NOVA1: variants seen among roughly 807,000 people sequenced by gnomAD.
NOVA1 encodes the protein RNA-binding protein Nova-1.
NOVA1 carries 7 observed loss-of-function variants against 38.0 expected under a neutral mutation model. That is an observed-to-expected ratio of 0.18 (90% confidence interval 0.10 to 0.35). NOVA1 has a LOEUF of 0.35. Among genes scored for constraint, NOVA1 ranks in the 10% least tolerant of loss-of-function variants. The probability of loss-of-function intolerance (pLI) is 1.00; values close to 1 mark genes in which losing one functional copy is unlikely to be tolerated. For missense variants in NOVA1, 460 were observed against 616.0 expected (o/e 0.75, Z 2.68); for synonymous variants, 270 against 232.5 (o/e 1.16, Z -1.47).
intron 2 of NOVA1, among the ~76,000 whole-genome samples, chr14:26,518,154 A>G (rs941902291): frequency 6.6e-6 from 1 of 152,102 alleles, no homozygotes; most frequent in Non-Finnish European, 1.5e-5. Context: ...ATATTATATT[A>G]TCCTTAAATG....
intron 2 of NOVA1, among the ~76,000 whole-genome samples, chr14:26,498,599 A>C (rs1283084134): frequency 6.6e-6 from 1 of 152,176 alleles, no homozygotes; most frequent in Non-Finnish European, 1.5e-5. Flanking sequence ...ATGATTACAG[A>C]CATTTGTATA....
chr14:26,572,449 T>C (rs1443445501), intron 2 of NOVA1, among the ~76,000 whole-genome samples: 1 of 152,180 alleles, frequency 6.6e-6, no homozygotes, highest in East Asian at 1.9e-4. Context: ...ACTCGATTAT[T>C]CATATACGCA....
At chr14:26,480,955 A>G (rs570629772) in intron 2 of NOVA1, among the ~76,000 whole-genome samples, 2 of 152,230 alleles carry the variant, frequency 1.3e-5, no homozygotes, top group South Asian at 4.1e-4. Flanking sequence ...TGTGAATAAA[A>G]TGTAAATATA....
At chr14:26,528,169 C>G (rs1052521654) in intron 2 of NOVA1, among the ~76,000 whole-genome samples, 2 of 152,102 alleles carry the variant, frequency 1.3e-5, no homozygotes, top group African/African-American at 4.8e-5. Flanking sequence ...CATACTGTAT[C>G]CCTGGAAAAT....
intron 4 of NOVA1, among the ~76,000 whole-genome samples, chr14:26,468,170 C>T (rs143516104): frequency 0.012 from 1,871 of 152,268 alleles, 39 homozygotes; most frequent in African/African-American, 0.04. Flanking sequence ...CTCCTACTGG[C>T]CTTGCAAGAA....
intron 2 of NOVA1, among the ~76,000 whole-genome samples, chr14:26,552,305 T>C (rs1274303409): frequency 6.6e-6 from 1 of 151,988 alleles, no homozygotes; most frequent in Admixed American, 6.6e-5. Context: ...ACAGGACCAA[T>C]TATGTTAAGG....
chr14:26,465,897 G>A (rs571019942), intron 4 of NOVA1, among the ~76,000 whole-genome samples: 1 of 151,896 alleles, frequency 6.6e-6, no homozygotes, highest in Admixed American at 6.6e-5. Flanking sequence ...CAATACACAT[G>A]ATAATAAGCC....
At chr14:26,595,312 G>C (rs1894119266) in intron 2 of NOVA1, 98 bp downstream of exon 2, 1 of 1,193,308 alleles carries the variant, frequency 8.4e-7, no homozygotes, top group Non-Finnish European at 1.2e-6. Context: ...AAAGTCTCCA[G>C]TATTGTTTAA....
chr14:26,512,800 G>C (rs1473443836), intron 2 of NOVA1, among the ~76,000 whole-genome samples: 1 of 149,974 alleles, frequency 6.7e-6, no homozygotes, highest in South Asian at 2.1e-4. Flanking sequence ...TTTACTTGAA[G>C]TGCTACAAAA....
chr14:26,518,864 G>C (rs1888665452), intron 2 of NOVA1, among the ~76,000 whole-genome samples: 1 of 151,936 alleles, frequency 6.6e-6, no homozygotes, highest in African/African-American at 2.4e-5. Flanking sequence ...TTTTTAAATT[G>C]TATTTGGCAA....
At chr14:26,532,554 G>A (rs901230841) in intron 2 of NOVA1, among the ~76,000 whole-genome samples, 3 of 152,200 alleles carry the variant, frequency 2.0e-5, no homozygotes, top group Non-Finnish European at 1.5e-5. Context: ...AGTGAGGATG[G>A]ATGGGAAGGA....
chr14:26,484,243 G>C (rs1008408644), intron 2 of NOVA1, among the ~76,000 whole-genome samples: 2 of 151,438 alleles, frequency 1.3e-5, no homozygotes, highest in Non-Finnish European at 2.9e-5. Context: ...GGCCATCCTG[G>C]CTAACACGGT....
chr14:26,487,025 T>C (rs1221221559), intron 2 of NOVA1, among the ~76,000 whole-genome samples: 2 of 152,174 alleles, frequency 1.3e-5, no homozygotes, highest in East Asian at 3.8e-4. Context: ...ATTGTCTTTA[T>C]AAATAGATGA....
chr14:26,593,542 T>C (rs1893992865), intron 2 of NOVA1: 1 of 151,900 alleles, frequency 6.6e-6, no homozygotes, highest in African/African-American at 2.4e-5. Context: ...AGACTTCTTT[T>C]ATCCAACATT....
chr14:26,467,220 A>C (rs1884213240), intron 4 of NOVA1, among the ~76,000 whole-genome samples: 1 of 152,238 alleles, frequency 6.6e-6, no homozygotes, highest in Non-Finnish European at 1.5e-5. Flanking sequence ...GAGGAAAATC[A>C]AACGTGGGTA....
At chr14:26,462,650 G>A (rs1243346300) in intron 4 of NOVA1, among the ~76,000 whole-genome samples, 1 of 152,138 alleles carries the variant, frequency 6.6e-6, no homozygotes, top group Non-Finnish European at 1.5e-5. Flanking sequence ...TTTAAAATAT[G>A]AAGCAATTGC....
At chr14:26,546,374 A>G (rs1399308475) in intron 2 of NOVA1, among the ~76,000 whole-genome samples, 8 of 152,174 alleles carry the variant, frequency 5.3e-5, no homozygotes, top group Non-Finnish European at 1.2e-4. Context: ...AAATTTGTTC[A>G]GATAAATCTG....
At chr14:26,536,990 C>T (rs1313143621) in intron 2 of NOVA1, among the ~76,000 whole-genome samples, 1 of 152,076 alleles carries the variant, frequency 6.6e-6, no homozygotes, top group Non-Finnish European at 1.5e-5. Context: ...TCTTAAAATA[C>T]TGTGTATACT....
chr14:26,478,849 A>G (rs942324080), intron 3 of NOVA1, among the ~76,000 whole-genome samples: 1 of 151,908 alleles, frequency 6.6e-6, no homozygotes, highest in African/African-American at 2.4e-5. Flanking sequence ...CTCATGATTT[A>G]AACATAAAGG....
Sources: allele counts gnomAD v4.1 joint callset (sites outside exome capture counted in the v4.1 genomes callset), GRCh38; gene constraint gnomAD v4.1.1; transcripts MANE v1.5; gene names NCBI Gene and HGNC (gene_info 2026-07-23, HGNC 2026-07-21).